The following SYNE1 variants were observed in gnomAD, a reference collection of about 807,000 sequenced individuals.
SYNE1 encodes nesprin-1.
In SYNE1, 616 loss-of-function variants were observed where a neutral mutation model predicts 1,111.0. That is an observed-to-expected ratio of 0.55 (90% CI 0.52 to 0.59). SYNE1 has a LOEUF of 0.59. Ranked by LOEUF, SYNE1 falls within the 20% of genes least tolerant of loss-of-function variation. The probability of loss-of-function intolerance (pLI) is 0.00; values close to 1 mark genes in which losing one functional copy is unlikely to be tolerated. For synonymous variants in SYNE1, 3,855 were observed against 3,825.8 expected (o/e 1.01, Z -0.28); for missense variants, 10,006 against 10,417.0 (o/e 0.96, Z 1.72).
At chr6:152,482,849 T>A (rs879623063) in intron 14 of SYNE1, among the ~76,000 whole-genome samples, 6 of 152,142 alleles carry the variant, frequency 3.9e-5, no homozygotes, top group Non-Finnish European at 7.4e-5. Flanking sequence ...TAGCTGCAGA[T>A]GAAAAAAATA....
intron 10 of SYNE1, among the ~76,000 whole-genome samples, chr6:152,501,422 C>T (rs1043919834): frequency 6.6e-5 from 10 of 152,056 alleles, no homozygotes; most frequent in African/African-American, 2.4e-4. Flanking sequence ...TGCCCTTTAG[C>T]CTAGGAATTC....
At chr6:152,200,536 T>G (rs1485153513) in intron 127 of SYNE1, among the ~76,000 whole-genome samples, 1 of 152,168 alleles carries the variant, frequency 6.6e-6, no homozygotes, top group East Asian at 1.9e-4. Context: ...TAGCTAGGAC[T>G]ACAGGCAAGC....
At chr6:152,437,448 AC>A (rs1431052527) in intron 32 of SYNE1, among the ~76,000 whole-genome samples, 1 of 152,210 alleles carries the variant, frequency 6.6e-6, no homozygotes, top group Non-Finnish European at 1.5e-5. Flanking sequence ...AAAGTGCCTA[AC>A]ACTCTTGGAG....
At chr6:152,594,271 C>CT in intron 3 of SYNE1, among the ~76,000 whole-genome samples, 1 of 152,214 alleles carries the variant, frequency 6.6e-6, no homozygotes, top group East Asian at 1.9e-4. Flanking sequence ...AGAGTGTTGA[C>CT]CTGTAAGAGA....
intron 100 of SYNE1, among the ~76,000 whole-genome samples, chr6:152,264,272 G>A (rs529097938): frequency 1.6e-3 from 246 of 149,420 alleles, no homozygotes; most frequent in African/African-American, 5.6e-3. Flanking sequence ...GAATTTCCAC[G>A]GATCTTCATT....
chr6:152,500,639 T>C (rs954149800), intron 10 of SYNE1, among the ~76,000 whole-genome samples: 1 of 152,176 alleles, frequency 6.6e-6, no homozygotes, highest in Non-Finnish European at 1.5e-5. Context: ...TCTTTATATA[T>C]GTTTCTAAGT....
In SYNE1 at chr6:152,367,358, T is replaced by G. The variant is rs774469372; in HGVS notation, c.9832A>C (p.Ile3278Leu). ...TKEKVSRLDR[I>L]VAEHNQFSLG... ...GAGAACTGATTGTGTTCTGCAACGATTCTATCCAGTCTTGACACTTTCTCC... is the reference window on the plus strand; with the variant it reads ...GAGAACTGATTGTGTTCTGCAACGAGTCTATCCAGTCTTGACACTTTCTCC... Residue 3278 changes from isoleucine to leucine, a missense_variant, in exon 62 of 146, where the codon ATC becomes CTC. Coordinates refer to ENST00000367255, the MANE Select transcript of SYNE1 (RefSeq NM_182961.4). The G allele has an allele frequency of 6.2e-7, 1 of 1,614,174 alleles. No homozygotes were observed. The highest frequency in any genetic ancestry group is 1.1e-5 in the South Asian group (1 of 91,086).
intron 98 of SYNE1, among the ~76,000 whole-genome samples, chr6:152,272,840 T>C (rs975870598): frequency 6.6e-6 from 1 of 152,238 alleles, no homozygotes; most frequent in African/African-American, 2.4e-5. Flanking sequence ...CTGCATTTAA[T>C]GGATGATTTG....
At position 152,214,146 on chromosome 6, in the gene SYNE1, T is replaced by C. The variant is rs142789665; in HGVS notation, c.22347-387A>G. Among the ~76,000 whole-genome samples, 796 of 151,062 alleles carry C rather than the reference T, an allele frequency of 5.3e-3. 5 individuals carry two copies. The highest frequency in any genetic ancestry group is 0.018 in the African/African-American group (743 of 41,100). On this transcript the variant is annotated intron_variant, in intron 122 of 145. Coordinates refer to ENST00000367255, the MANE Select transcript of SYNE1 (RefSeq NM_182961.4). ...AACCCAACATTGCAGTGAGCCGAGA[T>C]TGTGCCTTTGCACTCCAGCCTGGGT...
At chr6:152,371,930 CAGGACAGGAA>C (rs1302713977) in intron 59 of SYNE1, among the ~76,000 whole-genome samples, 770 of 36,952 alleles carry the variant, frequency 0.021, 52 homozygotes, top group African/African-American at 0.05. Context: ...AAGGACAGGA[CAGGACAGGAA>C]AGGAAAGGAA....
chr6:152,416,095 C>T (rs951938187), intron 41 of SYNE1, among the ~76,000 whole-genome samples: 8 of 152,226 alleles, frequency 5.3e-5, no homozygotes, highest in Middle Eastern at 3.4e-3. Flanking sequence ...TAGTCAATTA[C>T]GAATTCATCT....
intron 50 of SYNE1, 65 bp downstream of exon 50, chr6:152,396,708 CTT>C (rs1356043966): frequency 7.1e-6 from 10 of 1,410,444 alleles, no homozygotes; most frequent in Non-Finnish European, 9.0e-6. Flanking sequence ...TCACATGACT[CTT>C]TTCTCTAAGC....
At chr6:152,333,381 G>A (rs546257830) in intron 77 of SYNE1, among the ~76,000 whole-genome samples, 2 of 152,054 alleles carry the variant, frequency 1.3e-5, no homozygotes, top group South Asian at 2.1e-4. Flanking sequence ...GTTCAAGAAG[G>A]ATTCATTTCA....
chr6:152,512,910 G>A (rs1163600344), intron 6 of SYNE1, among the ~76,000 whole-genome samples: 2 of 152,176 alleles, frequency 1.3e-5, no homozygotes, highest in African/African-American at 4.8e-5. Flanking sequence ...CCAGAAGCCA[G>A]AAGGAAGATG....
In SYNE1 at chr6:152,447,475, C is replaced by T; in HGVS notation, c.3652G>A (p.Val1218Met). 1.2e-6 allele frequency: 2 copies of T among 1,614,212 alleles called. No individual in the cohort carries two copies. The highest frequency in any genetic ancestry group is 8.5e-7 in the Non-Finnish European group (1 of 1,180,030). Residue 1218 changes from valine (V) to methionine (M), a missense_variant, in exon 29 of 146, where the codon GTG becomes ATG. By Grantham distance (21) the Val-to-Met change is conservative (BLOSUM62 1). Transcript: ENST00000367255. ...TGCTGTACCTCTGACAGCAGCGTCA[C>T]AAGAGCCTTGAAAGAGCTGGATAAT... ...AKLSSSFKAL[V>M]TLLSEVEKML...
At position 152,450,797 on chromosome 6, in the gene SYNE1, C is replaced by A; in HGVS notation, c.3223G>T (p.Glu1075Ter). Residue 1075 changes from glutamate (E) to a stop codon, truncating the protein, a stop_gained, in exon 27 of 146, where the codon GAG becomes TAG. Coordinates refer to ENST00000367255, the MANE Select transcript of SYNE1 (RefSeq NM_182961.4). LOFTEE classifies it high-confidence loss of function. ...TCCTCGATGAGCTGTAACCTTTTCT[C>A]ACAGAGATGATGAGGACCTTTGTCA... ...FSDKGPHHLC[E>*]KRLQLIEELC... The A allele has an allele frequency of 6.2e-7, 1 of 1,614,110 alleles. No homozygotes were observed.
In SYNE1 at chr6:152,300,715, T is replaced by C; in HGVS notation, c.17608A>G (p.Asn5870Asp). 3 of 1,614,180 alleles carry C rather than the reference T, an allele frequency of 1.9e-6. No individual in the cohort carries two copies. The highest frequency in any genetic ancestry group is 2.5e-6 in the Non-Finnish European group (3 of 1,180,022). Reference protein sequence around the residue: ...VTEESGEEGTNSEISSPPACR... With the variant: ...VTEESGEEGTDSEISSPPACR... ...GCAGGTGGAGAGGAAATCTCACTGT[T>C]GGTTCCCTCCTCCCCAGACTCCTCA... The change falls in exon 93 of 146, where the codon AAC (asparagine) becomes GAC (aspartate). Residue 5870 changes from asparagine to aspartate, a missense_variant. This residue lies in a region of SYNE1 where 4,955 missense variants were observed against 5,017.2 expected (regional missense o/e 0.99). Coordinates refer to ENST00000367255, the MANE Select transcript of SYNE1 (RefSeq NM_182961.4).
chr6:152,590,661 C>A (rs1170604353), intron 3 of SYNE1, among the ~76,000 whole-genome samples: 2 of 152,118 alleles, frequency 1.3e-5, no homozygotes, highest in African/African-American at 4.8e-5. Flanking sequence ...TAATAAACAT[C>A]CTTTGTCCCA....
In SYNE1 at chr6:152,122,541, G is replaced by A; in HGVS notation, c.26289C>T (p.Cys8763=). The change falls in exon 146 of 146, where the codon TGC becomes TGT. Residue 8763 remains cysteine, a synonymous_variant. Coordinates refer to ENST00000367255, the MANE Select transcript of SYNE1 (RefSeq NM_182961.4). The part of the protein sequence containing the change: ...LLLLLLIGLA[C]LVPMSEEDYS... Reference sequence around the variant, plus strand: ...AGTCTTCCTCTGACATTGGTACAAGGCAGGCAAGCCCGATGAGGAGGAGCA... The same window carrying A: ...AGTCTTCCTCTGACATTGGTACAAGACAGGCAAGCCCGATGAGGAGGAGCA... 1 of 1,614,218 alleles carries A rather than the reference G, an allele frequency of 6.2e-7. No homozygotes were observed. The highest frequency in any genetic ancestry group is 1.3e-5 in the African/African-American group (1 of 75,050).
Sources: allele counts gnomAD v4.1 joint callset (sites outside exome capture counted in the v4.1 genomes callset), GRCh38; gene constraint gnomAD v4.1.1; regional missense constraint gnomAD v4.1.1; transcripts MANE v1.5; gene names NCBI Gene and HGNC (gene_info 2026-07-23, HGNC 2026-07-21).